The following PAK4 variants were observed in gnomAD, a reference collection of about 807,000 sequenced individuals.
PAK4 encodes serine/threonine-protein kinase PAK 4.
PAK4 carries 49 observed loss-of-function variants against 53.5 expected under a neutral mutation model. The observed-to-expected ratio is 0.92, with a 90% confidence interval of 0.73 to 1.16. PAK4 has a LOEUF of 1.16. Among genes scored for constraint, PAK4 ranks in the 50% most tolerant of loss-of-function variants. The pLI, the probability that PAK4 is intolerant of heterozygous loss-of-function variation, is 0.00. For synonymous variants in PAK4, 376 were observed against 375.6 expected (o/e 1.00, Z -0.01); for missense variants, 824 against 850.7 (o/e 0.97, Z 0.39).
At chr19:39,158,524 ACTCT>A (rs2074231964) in intron 1 of PAK4, among the ~76,000 whole-genome samples, 1 of 151,926 alleles carries the variant, frequency 6.6e-6, no homozygotes, top group Non-Finnish European at 1.5e-5. Context: ...GCTCCCACAC[ACTCT>A]CTGTTGTGGT....
intron 1 of PAK4, among the ~76,000 whole-genome samples, chr19:39,158,342 C>T (rs1003416865): frequency 6.6e-6 from 1 of 152,136 alleles, no homozygotes; most frequent in Non-Finnish European, 1.5e-5. Context: ...TATGTCCTGG[C>T]GTCTGTGCAC....
chr19:39,153,603 C>T (rs556617185), intron 1 of PAK4, among the ~76,000 whole-genome samples: 3 of 152,090 alleles, frequency 2.0e-5, no homozygotes, highest in Non-Finnish European at 2.9e-5. Flanking sequence ...CGCCACGCCA[C>T]GCCAATTTTT....
At chr19:39,156,178 C>T (rs2074177013) in intron 1 of PAK4, among the ~76,000 whole-genome samples, 1 of 152,188 alleles carries the variant, frequency 6.6e-6, no homozygotes, top group Admixed American at 6.5e-5. Flanking sequence ...CCCCTTTCCT[C>T]CAGCCCATGC....
intron 1 of PAK4, among the ~76,000 whole-genome samples, chr19:39,154,603 G>A (rs2074145849): frequency 6.6e-6 from 1 of 152,214 alleles, no homozygotes; most frequent in South Asian, 2.1e-4. Flanking sequence ...GGGTAGATGA[G>A]TGTAAATGTG....
chr19:39,152,677 G>A (rs2074112289), intron 1 of PAK4, among the ~76,000 whole-genome samples: 2 of 152,152 alleles, frequency 1.3e-5, no homozygotes, highest in South Asian at 4.1e-4. Context: ...TAAGGGCTTG[G>A]TTAAGATGAA....
chr19:39,169,086 A>G (rs1424561869), intron 1 of PAK4, among the ~76,000 whole-genome samples: 5 of 152,136 alleles, frequency 3.3e-5, no homozygotes, highest in Non-Finnish European at 4.4e-5. Flanking sequence ...TGTGATGTAG[A>G]GCGGGGGGAC....
At chr19:39,141,824 A>G (rs893603156) in intron 1 of PAK4, among the ~76,000 whole-genome samples, 1 of 151,908 alleles carries the variant, frequency 6.6e-6, no homozygotes, top group African/African-American at 2.4e-5. Flanking sequence ...TTTAGTAGAG[A>G]CAGAGTTTCC....
At chr19:39,166,385 A>G (rs1422739570) in intron 1 of PAK4, among the ~76,000 whole-genome samples, 2 of 152,248 alleles carry the variant, frequency 1.3e-5, no homozygotes, top group Non-Finnish European at 2.9e-5. Context: ...CGGAGGTTGC[A>G]GTGAGCCAAG....
In PAK4 at chr19:39,173,286, T is replaced by C; in HGVS notation, c.573T>C (p.Ala191=). The C allele has an allele frequency of 1.2e-6, 2 of 1,605,482 alleles. No individual in the cohort carries two copies. Among genetic ancestry groups the C allele is most frequent in the Non-Finnish European group, 8.5e-7 (1 of 1,176,632 alleles). ...CTGATGTCGGCACCCCCCAGCCTGCTGGTCTGGCCAGTGGGGCGAAACTGG... is the reference window on the plus strand; with the variant it reads ...CTGATGTCGGCACCCCCCAGCCTGCCGGTCTGGCCAGTGGGGCGAAACTGG... Residue 191 remains alanine (A), a synonymous_variant, in exon 3 of 9, where the codon GCT becomes GCC. Transcript: ENST00000358301. This position sits in a 1 kb window ranked among gnomAD's most constrained non-coding sequence, Gnocchi z 6.9.
Position 39,177,822 on chromosome 19 carries a change from C to T in PAK4, c.1620+13C>T, listed in dbSNP as rs764802197. 10 of 1,600,208 alleles carry T rather than the reference C, an allele frequency of 6.2e-6. No homozygotes were observed. The highest frequency in any genetic ancestry group is 5.1e-6 in the Non-Finnish European group (6 of 1,172,394). On this transcript the variant is annotated intron_variant, in intron 8 of 8. Transcript: ENST00000358301. The stretch of plus-strand genomic sequence containing the variant: ...GAACCTGCACAAGGTAGGCCCCTCC[C>T]TGGCTGGGAAACTGTGCGCCAGCTG...
intron 1 of PAK4, among the ~76,000 whole-genome samples, chr19:39,136,914 G>A (rs1383221481): frequency 6.6e-6 from 1 of 152,198 alleles, no homozygotes; most frequent in Non-Finnish European, 1.5e-5. Flanking sequence ...GGAGGCTGAG[G>A]CAGCTGCCAT....
At chr19:39,165,195 G>GATAATAATAATAATAATAATA (rs71169565) in intron 1 of PAK4, among the ~76,000 whole-genome samples, 49 of 128,436 alleles carry the variant, frequency 3.8e-4, no homozygotes, top group East Asian at 9.3e-4. Flanking sequence ...TGATGATGAT[G>GATAATAATAATAATAATAATA]ATAATAATAA....
At position 39,178,403 on chromosome 19, in the gene PAK4, C is replaced by T; in HGVS notation, c.1621-21C>T. 6.4e-7 allele frequency: 1 copy of T among 1,567,678 alleles called. No individual in the cohort carries two copies. The highest frequency in any genetic ancestry group is 2.4e-5 in the East Asian group (1 of 41,990). ...AACAGTGGGGAGCCTCGCCCCCTGACCCTCCCCTCCTTCTCGACAGGTGTC... is the reference window on the plus strand; with the variant it reads ...AACAGTGGGGAGCCTCGCCCCCTGATCCTCCCCTCCTTCTCGACAGGTGTC... On this transcript the variant is annotated intron_variant, in intron 8 of 8. Coordinates refer to ENST00000358301, the Ensembl canonical transcript of PAK4. The surrounding 1 kb of genome is among the most constrained non-coding windows in gnomAD (Gnocchi z 4.4).
chr19:39,168,120 A>C (rs1422151850), intron 1 of PAK4, 110 bp from the exon 2 acceptor site: 1 of 152,220 alleles, frequency 6.6e-6, no homozygotes, highest in Admixed American at 6.5e-5. Context: ...CCATGAGGTC[A>C]AAGGCTGTCT....
At chr19:39,142,087 C>T (rs1156482457) in intron 1 of PAK4, among the ~76,000 whole-genome samples, 3 of 152,202 alleles carry the variant, frequency 2.0e-5, no homozygotes, top group Non-Finnish European at 4.4e-5. Context: ...AGCAATCCTC[C>T]CGCCTCAGTC....
intron 2 of PAK4, among the ~76,000 whole-genome samples, chr19:39,171,208 GT>G (rs34497285): frequency 0.13 from 17,656 of 135,354 alleles, 1,236 homozygotes; most frequent in East Asian, 0.37. Context: ...CTCCCTGTTG[GT>G]TTTTTTTTTT....
intron 1 of PAK4, among the ~76,000 whole-genome samples, chr19:39,147,098 A>G (rs373288344): frequency 1.0e-4 from 3 of 29,584 alleles, no homozygotes; most frequent in Admixed American, 2.6e-4. Flanking sequence ...GTCAATGACA[A>G]TGTCATTGAC....
chr19:39,129,540 C>A (rs1219202030), intron 1 of PAK4, among the ~76,000 whole-genome samples: 1 of 152,178 alleles, frequency 6.6e-6, no homozygotes, highest in Non-Finnish European at 1.5e-5. Context: ...CCGGGGCTCC[C>A]TTTATTTCAA....
chr19:39,177,956 T>A, intron 8 of PAK4, 147 bp downstream of exon 9: 1 of 916,832 alleles, frequency 1.1e-6, no homozygotes, highest in African/African-American at 1.7e-5. Context: ...CCGGGCCTCA[T>A]GTGTCTGTGC....
Sources: gnomAD v4.1 joint callset for allele counts (sites outside exome capture counted in the v4.1 genomes callset) on GRCh38, gnomAD v4.1.1 for gene constraint, Gnocchi (gnomAD v3.1) non-coding constraint, MANE v1.5 for transcripts, NCBI Gene and HGNC (gene_info 2026-07-23, HGNC 2026-07-21) for gene names.